CCDC25: variants seen among roughly 807,000 people sequenced by gnomAD.
The protein encoded by CCDC25 is coiled-coil domain-containing protein 25.
In CCDC25, 16 loss-of-function variants were observed where a neutral mutation model predicts 35.3. That is an observed-to-expected ratio of 0.45 (90% CI 0.31 to 0.69). The LOEUF is 0.69. CCDC25 is among the 30% of genes least tolerant of loss of function. The pLI, the probability that CCDC25 is intolerant of heterozygous loss-of-function variation, is 0.06. For missense variants in CCDC25, 179 were observed against 250.7 expected (o/e 0.71, Z 1.93); for synonymous variants, 79 against 80.3 (o/e 0.98, Z 0.09).
In CCDC25 at chr8:27,748,236, T is replaced by C; in HGVS notation, c.392A>G (p.Asn131Ser). The change falls in exon 7 of 9, where the codon AAC (asparagine) becomes AGC (serine). Residue 131 changes from asparagine to serine, a missense_variant. By Grantham distance (46) the Asn-to-Ser change is conservative. Transcript: ENST00000356537. ...TVEKKVNEIL[N>S]RLEKTKVERF... ...CTCGACTTTGGTCTTTTCTAATCGG[T>C]TCAGGATCTCATTTACTTTCTTCTC... is the stretch of plus-strand genomic sequence containing the variant. The C allele has an allele frequency of 6.2e-7, 1 of 1,614,098 alleles. No individual in the cohort carries two copies. Among genetic ancestry groups the C allele is most frequent in the Non-Finnish European group, 8.5e-7 (1 of 1,179,982 alleles).
chr8:27,767,686 A>C (rs955033763), intron 1 of CCDC25, among the ~76,000 whole-genome samples: 4 of 152,226 alleles, frequency 2.6e-5, no homozygotes, highest in Non-Finnish European at 4.4e-5. Flanking sequence ...ATGGGTACGG[A>C]ATAAAGCCTG....
intron 1 of CCDC25, among the ~76,000 whole-genome samples, chr8:27,766,275 C>A (rs927599997): frequency 1.3e-5 from 2 of 152,316 alleles, no homozygotes; most frequent in Admixed American, 6.5e-5. Context: ...CTCCACAGCA[C>A]AGAACACACA....
At chr8:27,753,592 T>C (rs1033197431) in intron 4 of CCDC25, among the ~76,000 whole-genome samples, 1 of 152,148 alleles carries the variant, frequency 6.6e-6, no homozygotes, top group Non-Finnish European at 1.5e-5. Flanking sequence ...CAAAAGAAAG[T>C]GAAATTGAAC....
At chr8:27,767,132 G>A (rs922959644) in intron 1 of CCDC25, among the ~76,000 whole-genome samples, 24 of 152,168 alleles carry the variant, frequency 1.6e-4, no homozygotes, top group Admixed American at 2.6e-4. Context: ...TCAGGAGGCC[G>A]CGGTGGGCAG....
rs768891007 is a variant in CCDC25 at position 27,756,748 on chromosome 8, AAG to A, written c.137_138del (p.Ser46PhefsTer10). 3 of 1,613,184 alleles carry A rather than the reference AAG, an allele frequency of 1.9e-6. No homozygotes were observed. Among genetic ancestry groups the A allele is most frequent in the African/African-American group, 2.7e-5 (2 of 74,890 alleles). On this transcript the variant is annotated frameshift_variant, in exon 4 of 9. Transcript: ENST00000356537. LOFTEE classifies it high-confidence loss of function. ...EDIWFHVDKL[S>X]SAHVYLRLHK... Reference sequence around the variant, plus strand: ...TGTAATCGAAGGTATACATGAGCCGAAGAGAGTTTGTCCACATGAAACCTACA... The same window carrying A: ...TGTAATCGAAGGTATACATGAGCCGAAGAGTTTGTCCACATGAAACCTACA...
Position 27,734,654 on chromosome 8 carries a change from G to A in CCDC25, c.*1562C>T, listed in dbSNP as rs900437302. 2 of 152,116 alleles carry A rather than the reference G, an allele frequency of 1.3e-5. No homozygotes were observed. Among genetic ancestry groups the A allele is most frequent in the Non-Finnish European group, 2.9e-5 (2 of 68,024 alleles). 9.4% of individuals were successfully genotyped at this position (152,116 alleles called of 1,614,324 possible). A position where few individuals can be genotyped will look rare whatever the true frequency, so the allele number is the denominator to read the frequency against. Reference sequence around the variant, plus strand: ...GACATTTTAAACCAGTGTAAGCTGAGTTAGGAAATGTTTAAAGTTTGAGCC... The same window carrying A: ...GACATTTTAAACCAGTGTAAGCTGAATTAGGAAATGTTTAAAGTTTGAGCC... On this transcript the variant is annotated 3_prime_UTR_variant, in exon 9 of 9. Transcript: ENST00000356537.
intron 3 of CCDC25, among the ~76,000 whole-genome samples, chr8:27,759,376 G>A (rs534161532): frequency 6.6e-6 from 1 of 152,178 alleles, no homozygotes; most frequent in African/African-American, 2.4e-5. Context: ...GGAGGCCGAG[G>A]TGGGTGGATC....
intron 5 of CCDC25, 32 bp from the exon 6 acceptor site, chr8:27,748,630 C>A: frequency 6.7e-7 from 1 of 1,482,862 alleles, no homozygotes; most frequent in Non-Finnish European, 9.4e-7. Flanking sequence ...AACATGCAGG[C>A]AGGATGAGAC....
chr8:27,756,682 G>A lies in CCDC25; in HGVS notation c.168+37C>T, dbSNP rs146456175. On this transcript the variant is annotated intron_variant, in intron 4 of 8. Coordinates refer to ENST00000356537, the MANE Select transcript of CCDC25 (RefSeq NM_018246.3). ...AAGAACAAGATATGATGCATCATCA[G>A]GAGAAAAGTCAAGAATCCATGTTTA... 1.8e-3 allele frequency: 2,556 copies of A among 1,434,136 alleles called. 8 individuals are homozygous for A. Among genetic ancestry groups the A allele is most frequent in the Non-Finnish European group, 2.3e-3 (2,314 of 1,015,950 alleles). 88.8% of individuals were successfully genotyped at this position (1,434,136 alleles called of 1,614,324 possible).
At chr8:27,754,971 C>T (rs755174945) in intron 4 of CCDC25, among the ~76,000 whole-genome samples, 26 of 152,030 alleles carry the variant, frequency 1.7e-4, no homozygotes, top group Non-Finnish European at 3.4e-4. Context: ...CTCAGAGGGC[C>T]GAAAAGTGAT....
chr8:27,745,189 C>T (rs1361794727), intron 7 of CCDC25, among the ~76,000 whole-genome samples: 1 of 152,014 alleles, frequency 6.6e-6, no homozygotes, highest in Non-Finnish European at 1.5e-5. Context: ...TAGAGACAGT[C>T]CTAATTTTGT....
chr8:27,770,044 T>C (rs111967372), intron 1 of CCDC25, among the ~76,000 whole-genome samples: 24 of 152,028 alleles, frequency 1.6e-4, no homozygotes, highest in Non-Finnish European at 1.5e-5. Context: ...CTTGGGAGAC[T>C]GAGGCAGTAG....
chr8:27,765,245 G>A lies in CCDC25; in HGVS notation c.35C>T (p.Ser12Leu), dbSNP rs75655420. The part of the protein sequence containing the change: ...VFYFTSSSVN[S>L]SAYTIYMGKD... ...TCCCATGTAAATAGTGTAGGCAGAT[G>A]AATTAACTAAGATAAAACAAAAATA... Residue 12 changes from serine (S) to leucine (L), a missense_variant, in exon 2 of 9, where the codon TCA becomes TTA. Ser to Leu is a moderately radical substitution (Grantham distance 145, BLOSUM62 -2). Coordinates refer to ENST00000356537, the MANE Select transcript of CCDC25 (RefSeq NM_018246.3). 2,752 of 1,482,838 alleles carry A rather than the reference G, an allele frequency of 1.9e-3. 10 individuals carry two copies. The highest frequency in any genetic ancestry group is 1.7e-3 in the Non-Finnish European group (1,823 of 1,094,702). 91.9% of individuals were successfully genotyped at this position (1,482,838 alleles called of 1,614,324 possible).
In CCDC25 at chr8:27,756,788, C is replaced by T; in HGVS notation, c.117-18G>A. 6.3e-7 allele frequency: 1 copy of T among 1,594,812 alleles called. No individual in the cohort carries two copies. The highest frequency in any genetic ancestry group is 1.1e-5 in the South Asian group (1 of 90,632). On this transcript the variant is annotated intron_variant, in intron 3 of 8. Transcript: ENST00000356537. Reference sequence around the variant, plus strand: ...CATGAAACCTACAAAGAATGAAAACCACTTTTAGCAAGAGGTACAAGACAA... The same window carrying T: ...CATGAAACCTACAAAGAATGAAAACTACTTTTAGCAAGAGGTACAAGACAA...
At chr8:27,745,945 T>C (rs1041872160) in intron 7 of CCDC25, among the ~76,000 whole-genome samples, 1 of 152,254 alleles carries the variant, frequency 6.6e-6, no homozygotes, top group Non-Finnish European at 1.5e-5. Flanking sequence ...TTCAATAAGA[T>C]TGAGTTTTCC....
intron 5 of CCDC25, among the ~76,000 whole-genome samples, chr8:27,750,150 T>C (rs1040614836): frequency 3.3e-5 from 5 of 152,188 alleles, no homozygotes; most frequent in African/African-American, 1.2e-4. Context: ...ACTGATCAAA[T>C]GCTGTTGGAA....
intron 1 of CCDC25, among the ~76,000 whole-genome samples, chr8:27,769,749 CTG>C (rs1804521658): frequency 1.3e-5 from 2 of 152,170 alleles, no homozygotes; most frequent in African/African-American, 2.4e-5. Context: ...AGAGTAGGGT[CTG>C]TGAGTTACAA....
At chr8:27,742,491 T>C (rs923418352) in intron 7 of CCDC25, among the ~76,000 whole-genome samples, 1 of 152,212 alleles carries the variant, frequency 6.6e-6, no homozygotes, top group East Asian at 1.9e-4. Context: ...ACTGGATCCA[T>C]ATGCCCAGTT....
intron 7 of CCDC25, among the ~76,000 whole-genome samples, chr8:27,741,025 G>A (rs993684376): frequency 1.3e-5 from 2 of 152,202 alleles, no homozygotes; most frequent in Non-Finnish European, 2.9e-5. Context: ...AGAGTGGGAT[G>A]AGCAAAGAGA....
Sources: allele counts gnomAD v4.1 joint callset (sites outside exome capture counted in the v4.1 genomes callset), GRCh38; gene constraint gnomAD v4.1.1; transcripts MANE v1.5; gene names NCBI Gene and HGNC (gene_info 2026-07-23, HGNC 2026-07-21).